Variants in GREB1L observed in about 807,000 individuals in gnomAD.
GREB1L encodes GREB1 like retinoic acid receptor coactivator, also known as GREB1-like protein.
Under a neutral mutation model 200.8 loss-of-function variants are expected in GREB1L, and 17 were observed. That is an observed-to-expected ratio of 0.08 (90% confidence interval 0.06 to 0.13). The LOEUF (loss-of-function observed/expected upper bound fraction) is 0.13, where lower values mean the gene tolerates loss of function less well. Ranked by LOEUF, GREB1L falls within the 10% of genes least tolerant of loss-of-function variation. The pLI, the probability that GREB1L is intolerant of heterozygous loss-of-function variation, is 1.00. For synonymous variants in GREB1L, 789 were observed against 893.0 expected (o/e 0.88, Z 2.08); for missense variants, 1,657 against 2,367.7 (o/e 0.70, Z 6.23).
chr18:21,414,817 G>C (rs2031463573), intron 7 of GREB1L, among the ~76,000 whole-genome samples: 1 of 152,112 alleles, frequency 6.6e-6, no homozygotes, highest in African/African-American at 2.4e-5. Context: ...GGAGAAAAGA[G>C]ACTGGATTTA....
rs924062587 is a variant in GREB1L, at chr18:21,524,895, C to T, written c.*2074C>T. The T allele has an allele frequency of 4.1e-5, 6 of 146,914 alleles. No individual in the cohort carries two copies. The highest frequency in any genetic ancestry group is 1.3e-4 in the Admixed American group (2 of 14,980). 9.1% of individuals were successfully genotyped at this position (146,914 alleles called of 1,614,324 possible). On this transcript the variant is annotated 3_prime_UTR_variant, in exon 33 of 33. Transcript: ENST00000424526. The stretch of plus-strand genomic sequence containing the variant: ...TTGATCTGCCTATTCTTTTCAAAGC[C>T]TATCTTACTAATGTTTGGATCTTTT...
chr18:21,459,279 CTTTTTT>C (rs746568414), intron 15 of GREB1L, among the ~76,000 whole-genome samples: 2 of 85,918 alleles, frequency 2.3e-5, no homozygotes, highest in Non-Finnish European at 4.2e-5. Flanking sequence ...TTTTTCTTTA[CTTTTTT>C]TTTTTTTTTT....
Position 21,453,857 on chromosome 18 carries a change from A to C in GREB1L, c.1985-509A>C, listed in dbSNP as rs2034637209. Among the ~76,000 whole-genome samples the C allele has an allele frequency of 5.9e-5, 9 of 152,290 alleles. No individual in the cohort carries two copies. The South Asian group carries it at 1.9e-3, about 32-fold the overall frequency. Reference sequence around the variant, plus strand: ...GGAGGGAATTTCCGACCATGTTGCAACTGACTTGCTAAAGAGGAAATATTT... The same window carrying C: ...GGAGGGAATTTCCGACCATGTTGCACCTGACTTGCTAAAGAGGAAATATTT... On this transcript the variant is annotated intron_variant, in intron 14 of 32. Coordinates refer to ENST00000424526, the MANE Select transcript of GREB1L (RefSeq NM_001142966.3).
At chr18:21,407,315 C>T (rs11664749) in intron 7 of GREB1L, among the ~76,000 whole-genome samples, 30,616 of 152,096 alleles carry the variant, frequency 0.2, 3,511 homozygotes, top group Middle Eastern at 0.29. Context: ...GATGTTTAAT[C>T]GGGACGAGAA....
intron 15 of GREB1L, among the ~76,000 whole-genome samples, chr18:21,469,921 G>A (rs2035413782): frequency 6.6e-6 from 1 of 152,000 alleles, no homozygotes; most frequent in South Asian, 2.1e-4. Context: ...TTCTACTTCA[G>A]AACTATCTTG....
chr18:21,500,673 G>A lies in GREB1L; in HGVS notation c.4072+31G>A, dbSNP rs779991485. 1.8e-5 allele frequency: 25 copies of A among 1,420,814 alleles called. No homozygotes were observed. In the South Asian group the frequency reaches 1.8e-4, roughly 10 times the overall value. The allele number at this position is 1,420,814 out of a possible 1,614,324, so 88.0% of individuals were successfully genotyped here. ...TGCTGAGCCCAGGGAGTGGGCAGAG[G>A]GGCAAGAGACAAAGACATTGAATTG... On this transcript the variant is annotated intron_variant, in intron 23 of 32. Coordinates refer to ENST00000424526, the MANE Select transcript of GREB1L (RefSeq NM_001142966.3).
At chr18:21,413,364 C>A (rs576593545) in intron 7 of GREB1L, among the ~76,000 whole-genome samples, 40 of 152,172 alleles carry the variant, frequency 2.6e-4, no homozygotes, top group African/African-American at 9.7e-4. Flanking sequence ...TGTCTCCTTC[C>A]GCTTTGTGTC....
intron 21 of GREB1L, among the ~76,000 whole-genome samples, chr18:21,497,965 G>A (rs1238599891): frequency 3.3e-5 from 5 of 151,314 alleles, no homozygotes; most frequent in African/African-American, 1.2e-4. Context: ...GGGATTACAG[G>A]CACCCGCCAC....
At chr18:21,268,889 G>A (rs1479639456) in intron 1 of GREB1L, among the ~76,000 whole-genome samples, 2 of 151,738 alleles carry the variant, frequency 1.3e-5, no homozygotes, top group Admixed American at 6.6e-5. Context: ...CGGCCCTGGT[G>A]TCAGTCTCTT....
intron 1 of GREB1L, among the ~76,000 whole-genome samples, chr18:21,283,238 C>T (rs1374767529): frequency 1.3e-5 from 2 of 152,038 alleles, no homozygotes; most frequent in Non-Finnish European, 1.5e-5. Context: ...TTAAATTGTT[C>T]TACATTATGG....
intron 6 of GREB1L, among the ~76,000 whole-genome samples, chr18:21,403,594 A>G (rs572848443): frequency 1.2e-4 from 18 of 152,280 alleles, no homozygotes; most frequent in Non-Finnish European, 2.1e-4. Flanking sequence ...AACTAGCATG[A>G]CTATATTGGT....
At chr18:21,470,881 C>G (rs1315841620) in intron 15 of GREB1L, among the ~76,000 whole-genome samples, 1 of 151,968 alleles carries the variant, frequency 6.6e-6, no homozygotes, top group Non-Finnish European at 1.5e-5. Context: ...CTATCACTTT[C>G]ATTATGAGGA....
At chr18:21,372,097 A>G (rs2039897162) in intron 2 of GREB1L, among the ~76,000 whole-genome samples, 1 of 152,058 alleles carries the variant, frequency 6.6e-6, no homozygotes. Flanking sequence ...AGAAAGTGAC[A>G]TCTGTAAAGA....
At chr18:21,393,596 T>G (rs147475868) in intron 4 of GREB1L, among the ~76,000 whole-genome samples, 1,714 of 152,228 alleles carry the variant, frequency 0.011, 37 homozygotes, top group African/African-American at 0.039. Context: ...GTCCGGCTAA[T>G]TTTTTTGTAT....
intron 15 of GREB1L, among the ~76,000 whole-genome samples, chr18:21,470,799 A>C (rs2035453896): frequency 1.3e-5 from 2 of 152,238 alleles, no homozygotes; most frequent in South Asian, 4.1e-4. Context: ...GAAGCAGTGA[A>C]TTAAAGAATT....
At chr18:21,519,157 A>G (rs2037526291) in intron 31 of GREB1L, among the ~76,000 whole-genome samples, 1 of 152,198 alleles carries the variant, frequency 6.6e-6, no homozygotes, top group Admixed American at 6.5e-5. Context: ...AGTAGAAGGA[A>G]CCTTAAAAAC....
intron 2 of GREB1L, among the ~76,000 whole-genome samples, chr18:21,370,005 TA>T (rs2039816318): frequency 6.6e-6 from 1 of 152,022 alleles, no homozygotes; most frequent in South Asian, 2.1e-4. Flanking sequence ...TTTCCAAATT[TA>T]AATGTACAAA....
At chr18:21,458,048 A>T (rs1426981227) in intron 15 of GREB1L, among the ~76,000 whole-genome samples, 2 of 147,470 alleles carry the variant, frequency 1.4e-5, no homozygotes, top group Non-Finnish European at 1.5e-5. Context: ...GGCTCACCAC[A>T]ACCTCCACCT....
intron 27 of GREB1L, among the ~76,000 whole-genome samples, chr18:21,511,189 A>G (rs2146052067): frequency 6.6e-6 from 1 of 152,186 alleles, no homozygotes; most frequent in East Asian, 1.9e-4. Flanking sequence ...AGCCTGACCA[A>G]CCCCGTCTCT....
Sources: allele counts gnomAD v4.1 joint callset (sites outside exome capture counted in the v4.1 genomes callset), GRCh38; gene constraint gnomAD v4.1.1; transcripts MANE v1.5; gene names NCBI Gene and HGNC (gene_info 2026-07-23, HGNC 2026-07-21).